The following DOCK10 variants were observed in gnomAD, a reference collection of about 807,000 sequenced individuals.
The protein encoded by DOCK10 is dedicator of cytokinesis protein 10.
In DOCK10, 145 loss-of-function variants were observed where a neutral mutation model predicts 280.1. The observed-to-expected ratio is 0.52, with a 90% confidence interval of 0.45 to 0.59. The LOEUF is 0.59. Among genes scored for constraint, DOCK10 ranks in the 20% least tolerant of loss-of-function variants. The probability of loss-of-function intolerance (pLI) is 0.00; values close to 1 mark genes in which losing one functional copy is unlikely to be tolerated. For synonymous variants in DOCK10, 915 were observed against 942.2 expected (o/e 0.97, Z 0.53); for missense variants, 2,368 against 2,651.7 (o/e 0.89, Z 2.35).
chr2:224,972,058 T>C (rs1705116644), intron 1 of DOCK10, among the ~76,000 whole-genome samples: 1 of 152,222 alleles, frequency 6.6e-6, no homozygotes. Flanking sequence ...TCAGAGCTAC[T>C]CCGTGTGCTT....
chr2:224,823,555 CT>C lies in DOCK10; in HGVS notation c.3128del (p.Lys1043ArgfsTer73). Reference sequence around the variant, plus strand: ...CCCTTCTTGTTTCTTCAAGTGCATCCTTGTATTTCCAAATCACATGGTCGGA... The same window carrying C: ...CCCTTCTTGTTTCTTCAAGTGCATCCTGTATTTCCAAATCACATGGTCGGA... ...VLSDHVIWKYKDALEETRRAN... is the reference protein window; with the variant it reads ...VLSDHVIWKYXDALEETRRAN... On this transcript the variant is annotated frameshift_variant, in exon 28 of 56. Coordinates refer to ENST00000258390, the MANE Select transcript of DOCK10 (RefSeq NM_014689.3). LOFTEE classifies it high-confidence loss of function. 1.9e-6 allele frequency: 3 copies of C among 1,609,290 alleles called. No homozygotes were observed. Among genetic ancestry groups the C allele is most frequent in the Non-Finnish European group, 2.5e-6 (3 of 1,178,580 alleles).
At chr2:224,854,549 C>T (rs915921449) in intron 16 of DOCK10, among the ~76,000 whole-genome samples, 11 of 152,142 alleles carry the variant, frequency 7.2e-5, no homozygotes, top group African/African-American at 2.7e-4. Context: ...GGAACTCCCT[C>T]AATGGGAGAA....
chr2:224,855,925 A>G (rs1473827430), intron 15 of DOCK10, among the ~76,000 whole-genome samples: 1 of 152,226 alleles, frequency 6.6e-6, no homozygotes, highest in Non-Finnish European at 1.5e-5. Context: ...TTCAAAATTC[A>G]CCACTTTCTG....
intron 1 of DOCK10, among the ~76,000 whole-genome samples, chr2:225,023,800 T>C (rs1301403688): frequency 6.6e-6 from 1 of 152,116 alleles, no homozygotes; most frequent in East Asian, 1.9e-4. Context: ...TCCACAGTAA[T>C]AACTGTTTCA....
At position 224,770,617 on chromosome 2, in the gene DOCK10, C is replaced by T. The variant is rs368336784; in HGVS notation, c.6233G>A (p.Arg2078Gln). The T allele has an allele frequency of 4.2e-5, 67 of 1,613,886 alleles. No homozygotes were observed. The highest frequency in any genetic ancestry group is 3.5e-4 in the African/African-American group (26 of 75,054). The change falls in exon 54 of 56, where the codon CGA becomes CAA. Residue 2078 changes from arginine (R) to glutamine (Q), a missense_variant. Arg to Gln is a conservative substitution (Grantham distance 43). Transcript: ENST00000258390. This position sits in a 1 kb window ranked among gnomAD's most constrained non-coding sequence, Gnocchi z 4.5. ...KVNAGPMAYA[R>Q]AFLEETNAKK... is the part of the protein sequence containing the mutation. ...TGCATTGGTTTCTTCAAGAAAAGCT[C>T]GTGCATAGGCCATTGGCCCAGCATT...
At chr2:225,015,142 T>A (rs928938069) in intron 1 of DOCK10, among the ~76,000 whole-genome samples, 1 of 152,200 alleles carries the variant, frequency 6.6e-6, no homozygotes, top group Admixed American at 6.5e-5. Context: ...ATTTAGTGCA[T>A]GTTACAAAGT....
intron 1 of DOCK10, among the ~76,000 whole-genome samples, chr2:225,013,545 G>C (rs895681404): frequency 1.3e-5 from 2 of 152,136 alleles, no homozygotes; most frequent in African/African-American, 2.4e-5. Context: ...ATGTAGGTCA[G>C]ATCACTCCAA....
chr2:224,905,681 C>G (rs576097716), intron 3 of DOCK10, among the ~76,000 whole-genome samples: 1 of 152,290 alleles, frequency 6.6e-6, no homozygotes, highest in Admixed American at 6.5e-5. Context: ...ATCCAGTGAG[C>G]CCCCATCTTG....
intron 52 of DOCK10, 117 bp from the exon 53 acceptor site, chr2:224,773,464 G>T: frequency 1.1e-6 from 1 of 902,214 alleles, no homozygotes; most frequent in Non-Finnish European, 1.7e-6. Flanking sequence ...CTTCCATTCT[G>T]CATGCTTTTC....
intron 1 of DOCK10, among the ~76,000 whole-genome samples, chr2:225,018,929 TTA>T (rs1259630141): frequency 6.7e-6 from 1 of 149,560 alleles, no homozygotes; most frequent in Non-Finnish European, 1.5e-5. Flanking sequence ...GTGTATATAG[TTA>T]TATATGTGTA....
At chr2:224,935,301 T>A (rs1348907266) in intron 1 of DOCK10, among the ~76,000 whole-genome samples, 2 of 152,202 alleles carry the variant, frequency 1.3e-5, no homozygotes, top group African/African-American at 4.8e-5. Flanking sequence ...AGAAATGACA[T>A]TGAAGAAAAT....
At chr2:224,918,715 G>A (rs1701484935) in intron 2 of DOCK10, among the ~76,000 whole-genome samples, 1 of 151,008 alleles carries the variant, frequency 6.6e-6, no homozygotes, top group Non-Finnish European at 1.5e-5. Flanking sequence ...AGTGTAGTGT[G>A]TATGTGCAAT....
At chr2:224,975,057 T>G (rs1194495659) in intron 1 of DOCK10, among the ~76,000 whole-genome samples, 1 of 151,778 alleles carries the variant, frequency 6.6e-6, no homozygotes, top group Non-Finnish European at 1.5e-5. Context: ...TTTTAGACAC[T>G]GTGTATTTTT....
chr2:224,818,607 C>A lies in DOCK10; in HGVS notation c.3267+839G>T, dbSNP rs548852488. ...TAGAGACAGGGTTTCACCGTGTTAGCCAGGATGGTCTCGATTTCCTGACCT... is the reference window on the plus strand; with the variant it reads ...TAGAGACAGGGTTTCACCGTGTTAGACAGGATGGTCTCGATTTCCTGACCT... On this transcript the variant is annotated intron_variant, in intron 29 of 55. Transcript: ENST00000258390. Among the ~76,000 whole-genome samples, 292 of 152,210 alleles carry A rather than the reference C, an allele frequency of 1.9e-3. 3 individuals carry two copies. The highest frequency in any genetic ancestry group is 6.7e-3 in the African/African-American group (278 of 41,516).
At chr2:224,819,984 TTTTA>T (rs1414080806) in intron 28 of DOCK10, among the ~76,000 whole-genome samples, 1 of 152,174 alleles carries the variant, frequency 6.6e-6, no homozygotes, top group Non-Finnish European at 1.5e-5. Flanking sequence ...CTTAGTTACA[TTTTA>T]TTATTTTCTT....
intron 17 of DOCK10, 81 bp from the exon 18 acceptor site, chr2:224,852,523 C>A: frequency 9.3e-7 from 1 of 1,073,244 alleles, no homozygotes; most frequent in East Asian, 2.6e-5. Context: ...AAATAAGTAG[C>A]TTCTAATTAA....
At chr2:224,921,106 A>ATATATATATATATATATATATAT (rs1553613917) in intron 2 of DOCK10, among the ~76,000 whole-genome samples, 2 of 57,816 alleles carry the variant, frequency 3.5e-5, no homozygotes, top group African/African-American at 9.6e-5. Flanking sequence ...AAAAAAAAAA[A>ATATATATATATATATATATATAT]AAAAAAATAT....
intron 2 of DOCK10, among the ~76,000 whole-genome samples, chr2:224,921,108 AAAAAATAT>A (rs1169686609): frequency 1.4e-5 from 1 of 71,094 alleles, no homozygotes; most frequent in African/African-American, 1.0e-4. Flanking sequence ...AAAAAAAAAA[AAAAAATAT>A]ATATATATAT....
chr2:225,017,456 A>G (rs12471032), intron 1 of DOCK10, among the ~76,000 whole-genome samples: 34,463 of 125,630 alleles, frequency 0.27, 4,080 homozygotes, highest in East Asian at 0.34. Context: ...GAGAGAGAGC[A>G]AGAGCAAGCC....
Sources: allele counts gnomAD v4.1 joint callset (sites outside exome capture counted in the v4.1 genomes callset), GRCh38; gene constraint gnomAD v4.1.1; non-coding constraint Gnocchi (gnomAD v3.1); transcripts MANE v1.5; gene names NCBI Gene and HGNC (gene_info 2026-07-23, HGNC 2026-07-21).